Variants in TBCB observed in about 807,000 individuals in gnomAD.
TBCB encodes the protein tubulin-folding cofactor B.
A neutral mutation model predicts 29.2 loss-of-function variants in TBCB; 18 were observed. The observed-to-expected ratio is 0.62, with a 90% confidence interval of 0.43 to 0.91. The LOEUF (loss-of-function observed/expected upper bound fraction) is 0.91. Among genes scored for constraint, TBCB ranks in the 40% least tolerant of loss-of-function variants. The pLI is 0.00. For synonymous variants in TBCB, 172 were observed against 137.8 expected (o/e 1.25, Z -1.74); for missense variants, 336 against 337.6 (o/e 1.00, Z 0.04).
At position 36,125,909 on chromosome 19, in the gene TBCB, T is replaced by G; in HGVS notation, c.*127T>G. 1.5e-6 allele frequency: 1 copy of G among 649,444 alleles called. No individual in the cohort carries two copies. The highest frequency in any genetic ancestry group is 2.4e-6 in the Non-Finnish European group (1 of 417,044). The allele number at this position is 649,444 out of a possible 1,614,324, so 40.2% of individuals were successfully genotyped here. On this transcript the variant is annotated 3_prime_UTR_variant, in exon 6 of 6. Transcript: ENST00000221855. ...CATTTTTTCCTTTGCCATTGATTTT[T>G]GAGACTCATGCATTAAATTCACTAG...
At chr19:36,123,560 A>T (rs10419924) in intron 4 of TBCB, among the ~76,000 whole-genome samples, 150 of 151,980 alleles carry the variant, frequency 9.9e-4, no homozygotes, top group African/African-American at 3.5e-3. Flanking sequence ...CCACCATGCT[A>T]GGCCTGAACA....
intron 2 of TBCB, among the ~76,000 whole-genome samples, chr19:36,118,927 C>G (rs1043891075): frequency 2.0e-5 from 3 of 152,120 alleles, no homozygotes; most frequent in African/African-American, 7.2e-5. Flanking sequence ...CAGGAAGGGG[C>G]TGCTGTGAGA....
At position 36,125,645 on chromosome 19, in the gene TBCB, C is replaced by T. The variant is rs760833130; in HGVS notation, c.621-23C>T. 31 of 1,599,436 alleles carry T rather than the reference C, an allele frequency of 1.9e-5. No individual in the cohort carries two copies. In the South Asian group the frequency reaches 3.1e-4, roughly 16 times the overall value. On this transcript the variant is annotated intron_variant, in intron 5 of 5. Transcript: ENST00000221855. The stretch of plus-strand genomic sequence containing the variant: ...GCCATGTGAGGGTCCTCTGACCACA[C>T]CCACCCCTATCCTTTCCTGCAGTGT...
At chr19:36,115,871 G>A (rs1973942352) in intron 1 of TBCB, 170 bp from the exon 2 acceptor site, 4 of 1,177,120 alleles carry the variant, frequency 3.4e-6, no homozygotes, top group Non-Finnish European at 4.7e-6. Flanking sequence ...CGGGTCCAGC[G>A]AAAAATCCGA....
In TBCB at chr19:36,121,698, G is replaced by A. The variant is rs1299502925; in HGVS notation, c.527G>A (p.Arg176Gln). 1.9e-6 allele frequency: 3 copies of A among 1,552,340 alleles called. No homozygotes were observed. The highest frequency in any genetic ancestry group is 3.9e-5 in the Admixed American group (2 of 51,826). Reference sequence around the variant, plus strand: ...CGGGCGGCGGGACAATCCCCTCGCCGGGGCACCGTCATGTATGTAGGTGCG... The same window carrying A: ...CGGGCGGCGGGACAATCCCCTCGCCAGGGCACCGTCATGTATGTAGGTGCG... ...EVRAAGQSPR[R>Q]GTVMYVGLTD... Residue 176 changes from arginine (R) to glutamine (Q), a missense_variant, in exon 4 of 6, where the codon CGG becomes CAG. By Grantham distance (43) the Arg-to-Gln change is conservative. Coordinates refer to ENST00000221855, the MANE Select transcript of TBCB (RefSeq NM_001281.3).
At chr19:36,115,218 G>A, upstream of TBCB, 1 of 538,698 alleles carries the variant, frequency 1.9e-6, no homozygotes, top group South Asian at 2.4e-5. Context: ...GCATGCGCGA[G>A]TTTACCCTTC....
chr19:36,115,940 CTG>C, intron 1 of TBCB, 99 bp from the exon 2 acceptor site: 3 of 1,512,476 alleles, frequency 2.0e-6, no homozygotes, highest in Non-Finnish European at 2.7e-6. Flanking sequence ...TGCGTCCTGA[CTG>C]GGGGGTCTTT....
At chr19:36,121,895 G>C in intron 4 of TBCB, 177 bp downstream of exon 4, 2 of 841,210 alleles carry the variant, frequency 2.4e-6, no homozygotes, top group Non-Finnish European at 3.7e-6. Context: ...TGACGGCCCA[G>C]AGTGTTTGTG....
chr19:36,115,424 T>C (rs1328024847), upstream of TBCB: 3 of 661,816 alleles, frequency 4.5e-6, no homozygotes, highest in Non-Finnish European at 7.9e-6. Context: ...CGGACGCTCC[T>C]GGCAGGAGAG....
chr19:36,117,159 G>A (rs1331036976), intron 2 of TBCB, among the ~76,000 whole-genome samples: 1 of 152,070 alleles, frequency 6.6e-6, no homozygotes, highest in Non-Finnish European at 1.5e-5. Context: ...CTTTATTTTA[G>A]ATTTTTGTGT....
chr19:36,123,066 A>C (rs1974082110), intron 4 of TBCB, among the ~76,000 whole-genome samples: 1 of 151,982 alleles, frequency 6.6e-6, no homozygotes, highest in South Asian at 2.1e-4. Flanking sequence ...GCCTTTTGTA[A>C]CTGGCGCCTT....
In TBCB at chr19:36,116,172, C is replaced by G; in HGVS notation, c.246C>G (p.Gly82=). The G allele has an allele frequency of 6.2e-7, 1 of 1,614,100 alleles. No individual in the cohort carries two copies. Among genetic ancestry groups the G allele is most frequent in the Non-Finnish European group, 8.5e-7 (1 of 1,179,956 alleles). The change falls in exon 2 of 6, where the codon GGC becomes GGG. Residue 82 remains glycine (G), a synonymous_variant. Transcript: ENST00000221855. The part of the protein sequence containing the change: ...ALLGSYPVDD[G]CRIHVIDHSG... ...TGGGCTCCTACCCTGTAGATGACGG[C>G]TGCCGCATCCACGTGAGGACTCTCT... is the stretch of plus-strand genomic sequence containing the variant.
chr19:36,115,878 C>A, intron 1 of TBCB, 163 bp from the exon 2 acceptor site: 1 of 1,203,690 alleles, frequency 8.3e-7, no homozygotes, highest in Non-Finnish European at 1.2e-6. Flanking sequence ...AGCGAAAAAT[C>A]CGACGGTCCA....
chr19:36,120,086 C>T (rs1974018537), intron 2 of TBCB, among the ~76,000 whole-genome samples: 1 of 152,140 alleles, frequency 6.6e-6, no homozygotes, highest in Non-Finnish European at 1.5e-5. Flanking sequence ...GAAGCCTACC[C>T]TCCCATGCTC....
At chr19:36,121,741 C>A (rs1261932215) in intron 4 of TBCB, 23 bp downstream of exon 4, 2 of 1,547,850 alleles carry the variant, frequency 1.3e-6, no homozygotes, top group South Asian at 1.2e-5. Context: ...CGGGCCCGGT[C>A]CCGGGCTCCA....
intron 1 of TBCB, 142 bp downstream of exon 1, chr19:36,115,816 G>A (rs1388469253): frequency 9.2e-7 from 1 of 1,088,470 alleles, no homozygotes; most frequent in Non-Finnish European, 1.3e-6. Flanking sequence ...ACCCGGTCGC[G>A]GCGGGGCGGG....
rs1299076135 is a variant in TBCB, at chr19:36,121,005, C to T, written c.355+199C>T. Among the ~76,000 whole-genome samples the T allele has an allele frequency of 7.1e-5, 10 of 141,506 alleles. No homozygotes were observed. In the Admixed American group the frequency reaches 7.5e-4, roughly 11 times the overall value. The allele number at this position is 141,506 out of a possible 152,430, so 92.8% of individuals were successfully genotyped here. A position where few individuals can be genotyped will look rare whatever the true frequency, so the allele number is the denominator to read the frequency against. ...GGTGGGAATGAGGGCCGGGAGGTGT[C>T]AGGGGTATGGGCAGTCAGACGTGGT... On this transcript the variant is annotated intron_variant, in intron 3 of 5. Coordinates refer to ENST00000221855, the MANE Select transcript of TBCB (RefSeq NM_001281.3).
In TBCB at chr19:36,115,682, C is replaced by T. The variant is rs574046756; in HGVS notation, c.114+8C>T. On this transcript the variant is annotated splice_region_variant and intron_variant, in intron 1 of 5. Coordinates refer to ENST00000221855, the MANE Select transcript of TBCB (RefSeq NM_001281.3). The stretch of plus-strand genomic sequence containing the variant: ...ACCATCGCTGAGTTCAAGGTGTGGC[C>T]ATGGGGGCGGGGTCCGGAGGGGCGG... 34 of 1,528,046 alleles carry T rather than the reference C, an allele frequency of 2.2e-5. No individual in the cohort carries two copies. In the East Asian group the frequency reaches 5.9e-4, roughly 27 times the overall value. The allele number at this position is 1,528,046 out of a possible 1,614,324, so 94.7% of individuals were successfully genotyped here.
In TBCB at chr19:36,115,570, A is replaced by G; in HGVS notation, c.10A>G (p.Thr4Ala). 1 of 1,607,612 alleles carries G rather than the reference A, an allele frequency of 6.2e-7. No homozygotes were observed. The highest frequency in any genetic ancestry group is 8.5e-7 in the Non-Finnish European group (1 of 1,177,420). The change falls in exon 1 of 6, where the codon ACG becomes GCG. Residue 4 changes from threonine to alanine, a missense_variant. Physicochemically the swap from Thr to Ala is moderately conservative, Grantham distance 58. Coordinates refer to ENST00000221855, the MANE Select transcript of TBCB (RefSeq NM_001281.3). ...CGCAGGGCGCGGCAAGATGGAGGTGACGGGGGTGTCGGCACCCACGGTGAC... is the reference window on the plus strand; with the variant it reads ...CGCAGGGCGCGGCAAGATGGAGGTGGCGGGGGTGTCGGCACCCACGGTGAC... MEVTGVSAPTVTVF... is the reference protein window; with the variant it reads MEVAGVSAPTVTVF...
Sources: allele counts gnomAD v4.1 joint callset (sites outside exome capture counted in the v4.1 genomes callset), GRCh38; gene constraint gnomAD v4.1.1; transcripts MANE v1.5; gene names NCBI Gene and HGNC (gene_info 2026-07-23, HGNC 2026-07-21).